Variants in GABRG2 observed in about 807,000 individuals in gnomAD.
GABRG2 encodes gamma-aminobutyric acid receptor subunit gamma-2.
A neutral mutation model predicts 56.4 loss-of-function variants in GABRG2; 16 were observed. That is an observed-to-expected ratio of 0.28 (90% CI 0.19 to 0.43). The LOEUF (loss-of-function observed/expected upper bound fraction) is 0.43, where lower values mean the gene tolerates loss of function less well. GABRG2 is among the 20% of genes least tolerant of loss of function. The pLI, the probability that GABRG2 is intolerant of heterozygous loss-of-function variation, is 1.00. For missense variants in GABRG2, 327 were observed against 582.7 expected (o/e 0.56, Z 4.52); for synonymous variants, 208 against 205.5 (o/e 1.01, Z -0.10).
At position 162,083,246 on chromosome 5, in the gene GABRG2, A is replaced by C. The variant is rs533585318; in HGVS notation, c.108-10582A>C. ...ATGAATTTTCAAATACATTCGATAC[A>C]TTTGAATATCTGCCTAAATATGGAA... On this transcript the variant is annotated intron_variant, in intron 1 of 9. Coordinates refer to ENST00000639213, the MANE Select transcript of GABRG2 (RefSeq NM_198904.4). Among the ~76,000 whole-genome samples the C allele has an allele frequency of 3.4e-4, 52 of 151,842 alleles. No homozygotes were observed. The South Asian group carries it at 0.01, about 30-fold the overall frequency.
chr5:162,116,525 T>C (rs1336422791), intron 6 of GABRG2, among the ~76,000 whole-genome samples: 1 of 151,898 alleles, frequency 6.6e-6, no homozygotes, highest in African/African-American at 2.4e-5. Context: ...ACTCACATTC[T>C]ACTGACCAAA....
At chr5:162,132,210 G>T (rs752429411) in intron 6 of GABRG2, among the ~76,000 whole-genome samples, 5 of 148,210 alleles carry the variant, frequency 3.4e-5, no homozygotes, top group African/African-American at 9.7e-5. Context: ...TTTGGGACAC[G>T]AACTTGGTTC....
In GABRG2 at chr5:162,139,210, T is replaced by C. The variant is rs147698555; in HGVS notation, c.770-2954T>C. Among the ~76,000 whole-genome samples, 926 of 152,322 alleles carry C rather than the reference T, an allele frequency of 6.1e-3. 8 individuals carry two copies. The highest frequency in any genetic ancestry group is 1.0e-2 in the Non-Finnish European group (677 of 68,028). On this transcript the variant is annotated intron_variant, in intron 6 of 9. Coordinates refer to ENST00000639213, the MANE Select transcript of GABRG2 (RefSeq NM_198904.4). Reference sequence around the variant, plus strand: ...ATAAAATACTGTAACTTTAATGTCATATGTTAGGATAAATCAATAGGAGGA... The same window carrying C: ...ATAAAATACTGTAACTTTAATGTCACATGTTAGGATAAATCAATAGGAGGA...
upstream of GABRG2, chr5:162,067,494 C>G (rs552185452): frequency 2.4e-6 from 1 of 423,342 alleles, no homozygotes; most frequent in South Asian, 9.0e-5. Flanking sequence ...AGTTAATCTG[C>G]GTGATAGTTA....
At chr5:162,133,212 G>A (rs561359896) in intron 6 of GABRG2, among the ~76,000 whole-genome samples, 16 of 152,068 alleles carry the variant, frequency 1.1e-4, no homozygotes, top group African/African-American at 3.9e-4. Flanking sequence ...TCTTCAAATC[G>A]ACTGTCCTCA....
rs925363581 is a variant in GABRG2 at position 162,153,460 on chromosome 5, T to A, written c.*92T>A. 28 of 1,395,610 alleles carry A rather than the reference T, an allele frequency of 2.0e-5. No individual in the cohort carries two copies. In the African/African-American group the frequency reaches 3.8e-4, roughly 19 times the overall value. 86.5% of individuals were successfully genotyped at this position (1,395,610 alleles called of 1,614,324 possible). ...TCCACTTAAATAATCCTCTATGTGG[T>A]TGATAATGATCTGAATCTGTTTCTA... On this transcript the variant is annotated 3_prime_UTR_variant, in exon 10 of 10. Transcript: ENST00000639213.
chr5:162,126,543 G>A (rs901912446), intron 6 of GABRG2, among the ~76,000 whole-genome samples: 1 of 151,950 alleles, frequency 6.6e-6, no homozygotes, highest in African/African-American at 2.4e-5. Context: ...GTTTCCCTCT[G>A]CACACCAAAG....
chr5:162,111,404 G>A (rs1762244246), intron 6 of GABRG2, among the ~76,000 whole-genome samples: 1 of 152,118 alleles, frequency 6.6e-6, no homozygotes, highest in South Asian at 2.1e-4. Flanking sequence ...TATCTAGCAG[G>A]GAGATAGTTT....
intron 8 of GABRG2, chr5:162,151,080 C>T (rs1765338119): frequency 6.6e-6 from 1 of 152,480 alleles, no homozygotes; most frequent in South Asian, 2.1e-4. Flanking sequence ...TCTGATGAGT[C>T]CTTTGGAAAA....
At chr5:162,111,136 GT>G in intron 6 of GABRG2, among the ~76,000 whole-genome samples, 1 of 152,036 alleles carries the variant, frequency 6.6e-6, no homozygotes, top group Non-Finnish European at 1.5e-5. Context: ...TTTCTAGAAT[GT>G]TTTTCCTTGA....
At chr5:162,135,003 T>G (rs1296969168) in intron 6 of GABRG2, among the ~76,000 whole-genome samples, 1 of 152,212 alleles carries the variant, frequency 6.6e-6, no homozygotes, top group East Asian at 1.9e-4. Flanking sequence ...AATTGCTATT[T>G]TGTTCTTCAC....
chr5:162,102,745 G>T (rs942190298), intron 5 of GABRG2: 2 of 364,942 alleles, frequency 5.5e-6, no homozygotes, highest in Non-Finnish European at 1.1e-5. Flanking sequence ...TGCCCAAGCT[G>T]GATATTATCA....
chr5:162,130,100 T>C (rs1424137352), intron 6 of GABRG2, among the ~76,000 whole-genome samples: 3 of 151,958 alleles, frequency 2.0e-5, no homozygotes, highest in African/African-American at 4.8e-5. Context: ...TGGTAAAGTG[T>C]ACAGAGGTTT....
intron 6 of GABRG2, among the ~76,000 whole-genome samples, chr5:162,114,835 A>C (rs1451393967): frequency 6.6e-6 from 1 of 152,182 alleles, no homozygotes; most frequent in Admixed American, 6.6e-5. Context: ...AAAATTGCAA[A>C]GTTCTATATA....
intron 6 of GABRG2, among the ~76,000 whole-genome samples, chr5:162,129,694 A>G (rs1486079410): frequency 6.6e-6 from 1 of 151,952 alleles, no homozygotes; most frequent in Non-Finnish European, 1.5e-5. Flanking sequence ...TAAAGGTCAA[A>G]CTAAGAAATA....
At chr5:162,106,221 CAA>C (rs1235636774) in intron 6 of GABRG2, among the ~76,000 whole-genome samples, 1 of 152,130 alleles carries the variant, frequency 6.6e-6, no homozygotes, top group Non-Finnish European at 1.5e-5. Flanking sequence ...GAAATCACAG[CAA>C]AACAGTATTG....
rs76815003 is a variant in GABRG2 at position 162,135,974 on chromosome 5, G to T, written c.770-6190G>T. 4.3e-3 allele frequency among the ~76,000 whole-genome samples: 651 copies of T among 152,270 alleles called. 6 individuals are homozygous for T. Among genetic ancestry groups the T allele is most frequent in the African/African-American group, 0.015 (627 of 41,558 alleles). ...GATATCAATGGGCAATTATTGAAGA[G>T]TCTGGAGGTATTTATATGTATAGGC... On this transcript the variant is annotated intron_variant, in intron 6 of 9. Coordinates refer to ENST00000639213, the MANE Select transcript of GABRG2 (RefSeq NM_198904.4).
At position 162,096,769 on chromosome 5, in the gene GABRG2, G is replaced by A. The variant is rs151121494; in HGVS notation, c.328-869G>A. On this transcript the variant is annotated intron_variant, in intron 3 of 9. Coordinates refer to ENST00000639213, the MANE Select transcript of GABRG2 (RefSeq NM_198904.4). The stretch of plus-strand genomic sequence containing the variant: ...TTTTTTTTTTTTACTGAAGTCAACC[G>A]CTCTCCAGTTTAGTGATATGTATAC... 8.5e-3 allele frequency among the ~76,000 whole-genome samples: 1,290 copies of A among 151,594 alleles called. 16 individuals are homozygous for A. The highest frequency in any genetic ancestry group is 0.029 in the African/African-American group (1,218 of 41,310).
At chr5:162,068,140 T>C (rs1386764794) in intron 1 of GABRG2, 34 bp downstream of exon 1, 1 of 1,496,732 alleles carries the variant, frequency 6.7e-7, no homozygotes, top group Non-Finnish European at 9.3e-7. Flanking sequence ...CGTTTTGTTC[T>C]GAAGAGGTGG....
Sources: allele counts gnomAD v4.1 joint callset (sites outside exome capture counted in the v4.1 genomes callset), GRCh38; gene constraint gnomAD v4.1.1; transcripts MANE v1.5; gene names NCBI Gene and HGNC (gene_info 2026-07-23, HGNC 2026-07-21).